Variants in SEMA3E observed in about 807,000 individuals in gnomAD.
SEMA3E encodes the protein semaphorin 3E.
In SEMA3E, 49 loss-of-function variants were observed where a neutral mutation model predicts 93.6. The ratio of observed to expected loss-of-function variants is 0.52; its 90% CI spans 0.42 to 0.66. SEMA3E has a LOEUF of 0.66. SEMA3E is among the 30% of genes least tolerant of loss of function. SEMA3E has a pLI of 0.00. For missense variants in SEMA3E, 906 were observed against 964.8 expected (o/e 0.94, Z 0.81); for synonymous variants, 363 against 330.7 (o/e 1.10, Z -1.06).
chr7:83,597,040 C>A (rs187118124), intron 1 of SEMA3E, among the ~76,000 whole-genome samples: 3 of 152,072 alleles, frequency 2.0e-5, no homozygotes, highest in African/African-American at 7.2e-5. Context: ...GTTAGACCAA[C>A]GGAACCGGTG....
chr7:83,543,845 A>ACC (rs990105886), intron 1 of SEMA3E, among the ~76,000 whole-genome samples: 1 of 152,112 alleles, frequency 6.6e-6, no homozygotes, highest in Non-Finnish European at 1.5e-5. Context: ...AAGAGAAAAC[A>ACC]CAAGCTAAAA....
intron 4 of SEMA3E, among the ~76,000 whole-genome samples, chr7:83,430,747 T>C (rs1017336045): frequency 1.3e-5 from 2 of 152,070 alleles, no homozygotes; most frequent in Non-Finnish European, 2.9e-5. Flanking sequence ...AAAACATAGA[T>C]GACGGACTAT....
intron 1 of SEMA3E, among the ~76,000 whole-genome samples, chr7:83,584,670 G>A (rs1052270913): frequency 6.6e-6 from 1 of 152,110 alleles, no homozygotes; most frequent in African/African-American, 2.4e-5. Context: ...ACTCCCCAGA[G>A]TAGCTACAGG....
At chr7:83,600,561 A>G (rs1407574892) in intron 1 of SEMA3E, among the ~76,000 whole-genome samples, 2 of 126,746 alleles carry the variant, frequency 1.6e-5, no homozygotes, top group East Asian at 4.8e-4. Context: ...GTTAGCCAGG[A>G]TGGTCTGGAT....
In SEMA3E at chr7:83,387,037, G is replaced by C. The variant is rs1787895730; in HGVS notation, c.1681C>G (p.Gln561Glu). 1 of 1,612,954 alleles carries C rather than the reference G, an allele frequency of 6.2e-7. No homozygotes were observed. Among genetic ancestry groups the C allele is most frequent in the Non-Finnish European group, 8.5e-7 (1 of 1,179,554 alleles). ...GTHAKRRFRRQDVRHGNAAQQ... is the reference protein window; with the variant it reads ...GTHAKRRFRREDVRHGNAAQQ... ...GCTGCATTTCCATGTCGAACATCTT[G>C]TCTCCGGAAACGCCTGAAAGAAAGT... The change falls in exon 15 of 17, where the codon CAA becomes GAA. Residue 561 changes from glutamine to glutamate, a missense_variant. By Grantham distance (29) the Gln-to-Glu change is conservative. Coordinates refer to ENST00000643230, the MANE Select transcript of SEMA3E (RefSeq NM_012431.3).
intron 1 of SEMA3E, among the ~76,000 whole-genome samples, chr7:83,620,897 G>A (rs1178356385): frequency 2.0e-5 from 3 of 152,004 alleles, no homozygotes; most frequent in Non-Finnish European, 4.4e-5. Flanking sequence ...CATATTGAAT[G>A]GGCAAAAACT....
intron 16 of SEMA3E, among the ~76,000 whole-genome samples, chr7:83,370,932 C>T (rs17157549): frequency 6.6e-6 from 1 of 152,036 alleles, no homozygotes; most frequent in South Asian, 2.1e-4. Context: ...CTATTTCTTG[C>T]CTGAGCAGTA....
In SEMA3E at chr7:83,392,690, A is replaced by G; in HGVS notation, c.1532T>C (p.Val511Ala). ...ACAGTGATGGAATCTGACTTGAGCC[A>G]CAGCAGAAGCAGATCCAATATACAG... ...QQLYIGSASA[V>A]AQVRFHHCDM... is the part of the protein sequence containing the mutation. Residue 511 changes from valine to alanine, a missense_variant, in exon 14 of 17, where the codon GTG (valine) becomes GCG (alanine). By Grantham distance (64) the Val-to-Ala change is moderately conservative. Transcript: ENST00000643230. 1 of 1,613,930 alleles carries G rather than the reference A, an allele frequency of 6.2e-7. No individual in the cohort carries two copies. The highest frequency in any genetic ancestry group is 1.1e-5 in the South Asian group (1 of 91,082).
intron 16 of SEMA3E, chr7:83,372,216 T>G: frequency 2.5e-6 from 1 of 397,980 alleles, no homozygotes; most frequent in Non-Finnish European, 4.4e-6. Flanking sequence ...GGAGCAAACA[T>G]GGTTTCAGGA....
At chr7:83,578,510 C>T (rs1193785810) in intron 1 of SEMA3E, among the ~76,000 whole-genome samples, 2 of 152,034 alleles carry the variant, frequency 1.3e-5, no homozygotes, top group African/African-American at 4.8e-5. Context: ...GAGCTAAGAT[C>T]GTGCTTCTAC....
Position 83,635,326 on chromosome 7 carries a change from C to T in SEMA3E, c.115+13102G>A, listed in dbSNP as rs192617841. Among the ~76,000 whole-genome samples, 386 of 151,556 alleles carry T rather than the reference C, an allele frequency of 2.5e-3. 2 individuals are homozygous for T. The highest frequency in any genetic ancestry group is 4.4e-3 in the Non-Finnish European group (301 of 67,784). On this transcript the variant is annotated intron_variant, in intron 1 of 16. Transcript: ENST00000643230. ...TTTCTTTAAACATATATCATTTTTG[C>T]TTTGCTCAGGATTATAGAAGTGATC... is the stretch of plus-strand genomic sequence containing the variant.
chr7:83,567,898 A>C (rs890287605), intron 1 of SEMA3E, among the ~76,000 whole-genome samples: 2 of 152,132 alleles, frequency 1.3e-5, no homozygotes, highest in South Asian at 2.1e-4. Flanking sequence ...AGAAATAATA[A>C]AGATCAGAGC....
intron 1 of SEMA3E, among the ~76,000 whole-genome samples, chr7:83,646,921 G>A (rs1489856367): frequency 6.6e-6 from 1 of 151,580 alleles, no homozygotes; most frequent in Non-Finnish European, 1.5e-5. Context: ...AAAACTGGCA[G>A]CTTATCTACT....
At chr7:83,408,509 A>T in intron 5 of SEMA3E, 22 bp from the exon 6 acceptor site, 1 of 1,612,896 alleles carries the variant, frequency 6.2e-7, no homozygotes. Flanking sequence ...CATCAGTAAA[A>T]AAGAAGTCAG....
At chr7:83,424,883 T>C in intron 4 of SEMA3E, 1 of 276,356 alleles carries the variant, frequency 3.6e-6, no homozygotes, top group Non-Finnish European at 7.3e-6. Flanking sequence ...GGCCCTGACC[T>C]ACAGAGATGC....
rs1794655517 is a variant in SEMA3E at position 83,365,647 on chromosome 7, C to G, written c.*1939G>C. 6.6e-6 allele frequency: 1 copy of G among 152,114 alleles called. No homozygotes were observed. Among genetic ancestry groups the G allele is most frequent in the African/African-American group, 2.4e-5 (1 of 41,440 alleles). 9.4% of individuals were successfully genotyped at this position (152,114 alleles called of 1,614,324 possible). A position where few individuals can be genotyped will look rare whatever the true frequency, so the allele number is the denominator to read the frequency against. On this transcript the variant is annotated 3_prime_UTR_variant, in exon 17 of 17. Transcript: ENST00000643230. Reference sequence around the variant, plus strand: ...GTTACACCATTGTTATCATCATTAACTACTTGTCTGTGTTATTGCAATTAA... The same window carrying G: ...GTTACACCATTGTTATCATCATTAAGTACTTGTCTGTGTTATTGCAATTAA...
chr7:83,425,265 C>A (rs536901261), intron 4 of SEMA3E, among the ~76,000 whole-genome samples: 4 of 151,996 alleles, frequency 2.6e-5, no homozygotes, highest in South Asian at 4.2e-4. Flanking sequence ...AAGCCTGGAA[C>A]TAGAAACACA....
intron 1 of SEMA3E, among the ~76,000 whole-genome samples, chr7:83,522,793 T>G (rs1791076296): frequency 6.6e-6 from 1 of 152,152 alleles, no homozygotes; most frequent in South Asian, 2.1e-4. Context: ...CAATGCCTTC[T>G]GTTCCTTCCA....
intron 1 of SEMA3E, among the ~76,000 whole-genome samples, chr7:83,529,894 T>C (rs17157729): frequency 0.12 from 18,127 of 152,180 alleles, 1,407 homozygotes; most frequent in South Asian, 0.21. Context: ...TATCGGATTA[T>C]ACTTTCTTCT....
Sources: gnomAD v4.1 joint callset for allele counts (sites outside exome capture counted in the v4.1 genomes callset) on GRCh38, gnomAD v4.1.1 for gene constraint, MANE v1.5 for transcripts, NCBI Gene and HGNC (gene_info 2026-07-23, HGNC 2026-07-21) for gene names.